Variants in SBSN observed in about 807,000 individuals in gnomAD.
The protein encoded by SBSN is HLAR698.
Under a neutral mutation model 42.8 loss-of-function variants are expected in SBSN, and 33 were observed. That is an observed-to-expected ratio of 0.77 (90% CI 0.58 to 1.03). The LOEUF (loss-of-function observed/expected upper bound fraction) is 1.03, where lower values mean the gene tolerates loss of function less well. SBSN is among the 50% of genes least tolerant of loss of function. SBSN has a pLI of 0.00. For missense variants in SBSN, 646 were observed against 757.3 expected (o/e 0.85, Z 1.72); for synonymous variants, 276 against 307.0 (o/e 0.90, Z 1.06).
At chr19:35,523,681 C>T (rs951018545) in intron 3 of SBSN, 148 bp from the exon 4 acceptor site, 2 of 781,884 alleles carry the variant, frequency 2.6e-6, no homozygotes, top group African/African-American at 1.7e-5. Context: ...AGGAAGGTAG[C>T]ATCTAAACTT....
At position 35,524,711 on chromosome 19, in the gene SBSN, C is replaced by G. The variant is rs1203072487; in HGVS notation, c.1749G>C (p.Arg583Ser). The change falls in exon 3 of 4, where the codon AGG becomes AGC. Residue 583 changes from arginine (R) to serine (S), a missense_variant and splice_region_variant. Transcript: ENST00000452271. ...TPFINLPALW[R>S]SVANIMP ...AAAAGAGACACCATGGGGCACTCAC[C>G]CTCCACAGGGCGGGAAGGTTGATGA... 4 of 1,613,916 alleles carry G rather than the reference C, an allele frequency of 2.5e-6. No individual in the cohort carries two copies. The highest frequency in any genetic ancestry group is 1.7e-5 in the Admixed American group (1 of 59,980).
chr19:35,524,788 G>A (rs1213577728), intron 2 of SBSN, 33 bp from the exon 3 acceptor site: 2 of 1,613,954 alleles, frequency 1.2e-6, no homozygotes, highest in South Asian at 1.1e-5. Context: ...TCAGTCTCCA[G>A]CGTCTGACCC....
At chr19:35,523,586 G>A (rs2071336063) in intron 3 of SBSN, 53 bp from the exon 4 acceptor site, 1 of 1,584,756 alleles carries the variant, frequency 6.3e-7, no homozygotes, top group Admixed American at 1.7e-5. Flanking sequence ...GTCATGACGG[G>A]ACCCGAGACC....
In SBSN at chr19:35,527,235, C is replaced by T. The variant is rs2071386409; in HGVS notation, c.1047G>A (p.Lys349=). The change falls in exon 1 of 4, where the codon AAG becomes AAA. Residue 349 remains lysine (K), a synonymous_variant. Transcript: ENST00000452271. The part of the protein sequence containing the change: ...GLSEGWKETE[K]FGQGVHHAAS... ...CAGCATGGTGGACCCCCTGGCCAAA[C>T]TTCTCTGTCTCCTTCCAGCCCTCAC... is the stretch of plus-strand genomic sequence containing the variant. 5 of 1,536,104 alleles carry T rather than the reference C, an allele frequency of 3.3e-6. No homozygotes were observed. Among genetic ancestry groups the T allele is most frequent in the Non-Finnish European group, 4.4e-6 (5 of 1,146,550 alleles).
Position 35,527,862 on chromosome 19 carries a change from G to T in SBSN, c.420C>A (p.His140Gln), listed in dbSNP as rs539406681. The part of the protein sequence containing the change: ...ADKLIHHGVH[H>Q]GANQAGSEAG... Reference sequence around the variant, plus strand: ...CCTCACTTCCCGCCTGGTTGGCCCCGTGATGGACCCCATGATGGATCAGTT... The same window carrying T: ...CCTCACTTCCCGCCTGGTTGGCCCCTTGATGGACCCCATGATGGATCAGTT... Residue 140 changes from histidine (H) to glutamine (Q), a missense_variant, in exon 1 of 4, where the codon CAC (histidine) becomes CAA (glutamine). His to Gln is a conservative substitution (Grantham distance 24). Around this residue, in one of 3 missense-constraint regions of SBSN, gnomAD observed 190 missense variants for 197.1 expected, o/e 0.96. Transcript: ENST00000452271. The T allele has an allele frequency of 6.2e-7, 1 of 1,613,850 alleles. No individual in the cohort carries two copies. Among genetic ancestry groups the T allele is most frequent in the Non-Finnish European group, 8.5e-7 (1 of 1,179,974 alleles).
intron 1 of SBSN, among the ~76,000 whole-genome samples, chr19:35,525,494 T>A (rs957537833): frequency 2.4e-5 from 3 of 123,564 alleles, no homozygotes; most frequent in Non-Finnish European, 4.8e-5. Context: ...TGGCGGCAGA[T>A]GTGGCTCTGG....
At chr19:35,525,172 G>A (rs758286491) in intron 1 of SBSN, among the ~76,000 whole-genome samples, 1 of 152,154 alleles carries the variant, frequency 6.6e-6, no homozygotes, top group South Asian at 2.1e-4. Context: ...CTCAGTCATG[G>A]AGGAGGGGCT....
rs116935689 is a variant in SBSN at position 35,526,713 on chromosome 19, G to A, written c.1569C>T (p.Ala523=). Residue 523 remains alanine, a synonymous_variant, in exon 1 of 4, where the codon GCC becomes GCT. Coordinates refer to ENST00000452271, the MANE Select transcript of SBSN (RefSeq NM_001166034.2). ...TATGAGCATTCTGCAGCTCCTTCCC[G>A]GCCTGGCCAGCAGCATGGTGGGCAC... ...GQGAHHAAGQ[A]GKELQNAHNG... The A allele has an allele frequency of 0.014, 21,492 of 1,586,274 alleles. 179 individuals are homozygous for A. Among genetic ancestry groups the A allele is most frequent in the Non-Finnish European group, 0.016 (18,453 of 1,163,942 alleles).
intron 1 of SBSN, 67 bp from the exon 2 acceptor site, chr19:35,524,991 C>T: frequency 6.5e-7 from 1 of 1,547,786 alleles, no homozygotes; most frequent in Non-Finnish European, 8.8e-7. Context: ...TTCCTTTTCC[C>T]CAGGGACCTG....
chr19:35,524,640 A>C, intron 3 of SBSN, 71 bp downstream of exon 3: 1 of 1,549,682 alleles, frequency 6.5e-7, no homozygotes, highest in Admixed American at 1.7e-5. Context: ...CCAAACAGAC[A>C]CCGGGAAGGG....
intron 1 of SBSN, 125 bp downstream of exon 1, chr19:35,526,519 T>A: frequency 1.1e-6 from 1 of 886,446 alleles, no homozygotes; most frequent in Non-Finnish European, 1.7e-6. Flanking sequence ...GTGATATAGC[T>A]GCCCAAGCTT....
rs1845678194 is a variant in SBSN at position 35,527,229 on chromosome 19, GC to G, written c.1052del (p.Gly351AlafsTer89). The G allele has an allele frequency of 2.0e-6, 3 of 1,536,726 alleles. No individual in the cohort carries two copies. Among genetic ancestry groups the G allele is most frequent in the Non-Finnish European group, 2.6e-6 (3 of 1,146,750 alleles). On this transcript the variant is annotated frameshift_variant, in exon 1 of 4. Transcript: ENST00000452271. LOFTEE classifies it high-confidence loss of function. ...SEGWKETEKF[G>X]QGVHHAASQF... ...GACTGGCAGCATGGTGGACCCCCTG[GC>G]CAAACTTCTCTGTCTCCTTCCAGCC...
intron 3 of SBSN, 24 bp downstream of exon 3, chr19:35,524,687 A>G (rs745934584): frequency 3.7e-6 from 6 of 1,613,630 alleles, no homozygotes; most frequent in Non-Finnish European, 5.1e-6. Context: ...GCAGAGCAGA[A>G]AAGAGACACC....
intron 3 of SBSN, 112 bp downstream of exon 3, chr19:35,524,599 A>G (rs896067999): frequency 9.3e-7 from 1 of 1,071,320 alleles, no homozygotes; most frequent in Admixed American, 2.0e-5. Flanking sequence ...GTCTTTGCAG[A>G]GGCTGCAGGT....
At position 35,528,224 on chromosome 19, in the gene SBSN, A is replaced by G. The variant is rs746234514; in HGVS notation, c.58T>C (p.Ser20Pro). Residue 20 changes from serine (S) to proline (P), a missense_variant, in exon 1 of 4, where the codon TCT (serine) becomes CCT (proline). By Grantham distance (74) the Ser-to-Pro change is moderately conservative (BLOSUM62 -1). Around this residue, in one of 3 missense-constraint regions of SBSN, gnomAD observed 190 missense variants for 197.1 expected, o/e 0.96. Transcript: ENST00000452271. Reference sequence around the variant, plus strand: ...GGGTCATCGCTGGCCGCCCATCCAGACAGGGCCCCCAGTAGCAGAAGGAGG... The same window carrying G: ...GGGTCATCGCTGGCCGCCCATCCAGGCAGGGCCCCCAGTAGCAGAAGGAGG... ...CSLLLLLGALSGWAASDDPIE... is the reference protein window; with the variant it reads ...CSLLLLLGALPGWAASDDPIE... 2 of 1,613,850 alleles carry G rather than the reference A, an allele frequency of 1.2e-6. No individual in the cohort carries two copies. Among genetic ancestry groups the G allele is most frequent in the East Asian group, 2.2e-5 (1 of 44,860 alleles).
chr19:35,527,079 T>C lies in SBSN; in HGVS notation c.1203A>G (p.Glu401=). ...HHAASQVGKE[E]DRVVQGLHHG... ...GATGGAGGCCTTGGACCACTCTGTCTTCCTCCTTCCCCACCTGCGAGGCAG... is the reference window on the plus strand; with the variant it reads ...GATGGAGGCCTTGGACCACTCTGTCCTCCTCCTTCCCCACCTGCGAGGCAG... Residue 401 remains glutamate, a synonymous_variant, in exon 1 of 4, where the codon GAA becomes GAG. Coordinates refer to ENST00000452271, the MANE Select transcript of SBSN (RefSeq NM_001166034.2). 1 of 1,536,622 alleles carries C rather than the reference T, an allele frequency of 6.5e-7. No homozygotes were observed. The highest frequency in any genetic ancestry group is 2.5e-5 in the East Asian group (1 of 40,742).
chr19:35,523,558 G>A (rs1213540319), intron 3 of SBSN, 25 bp from the exon 4 acceptor site: 3 of 1,613,746 alleles, frequency 1.9e-6, no homozygotes, highest in East Asian at 4.5e-5. Flanking sequence ...GAGAGCAGGG[G>A]TGAATGTAGG....
intron 1 of SBSN, among the ~76,000 whole-genome samples, chr19:35,525,340 C>T (rs746139478): frequency 3.3e-5 from 5 of 152,146 alleles, no homozygotes; most frequent in Non-Finnish European, 4.4e-5. Context: ...CAGCCATGCA[C>T]CCCAGCAGTG....
chr19:35,523,373 A>G lies in SBSN; in HGVS notation c.*137T>C, dbSNP rs529745027. On this transcript the variant is annotated 3_prime_UTR_variant, in exon 4 of 4. Transcript: ENST00000452271. Reference sequence around the variant, plus strand: ...GGACCACAATGAGACAGCATAGTGTATCAAGTTTATTCACAAATCCCAGTA... The same window carrying G: ...GGACCACAATGAGACAGCATAGTGTGTCAAGTTTATTCACAAATCCCAGTA... The G allele has an allele frequency of 5.9e-6, 5 of 849,224 alleles. No individual in the cohort carries two copies. In the Admixed American group the frequency reaches 7.8e-5, roughly 13 times the overall value. 52.6% of individuals were successfully genotyped at this position (849,224 alleles called of 1,614,324 possible). A position where few individuals can be genotyped will look rare whatever the true frequency, so the allele number is the denominator to read the frequency against.
Sources: gnomAD v4.1 joint callset for allele counts (sites outside exome capture counted in the v4.1 genomes callset) on GRCh38, gnomAD v4.1.1 for gene constraint, gnomAD v4.1.1 regional missense constraint, MANE v1.5 for transcripts, NCBI Gene and HGNC (gene_info 2026-07-23, HGNC 2026-07-21) for gene names.